Variants in EYA3 observed in about 807,000 individuals in gnomAD.
The protein encoded by EYA3 is EYA transcriptional coactivator and phosphatase 3, also known as protein phosphatase EYA3.
Under a neutral mutation model 80.0 loss-of-function variants are expected in EYA3, and 39 were observed. The ratio of observed to expected loss-of-function variants is 0.49; its 90% CI spans 0.38 to 0.64. The LOEUF (loss-of-function observed/expected upper bound fraction) is 0.64, where lower values mean the gene tolerates loss of function less well. EYA3 is among the 30% of genes least tolerant of loss of function. The pLI, the probability that EYA3 is intolerant of heterozygous loss-of-function variation, is 0.00. For synonymous variants in EYA3, 206 were observed against 232.8 expected (o/e 0.88, Z 1.05); for missense variants, 523 against 676.1 (o/e 0.77, Z 2.51).
At chr1:28,042,678 C>G (rs769835070) in intron 3 of EYA3, 28 bp from the exon 4 acceptor site, 1 of 1,585,734 alleles carries the variant, frequency 6.3e-7, no homozygotes. Flanking sequence ...AATACATTAG[C>G]CCCTGATTGA....
At chr1:28,038,806 C>A in intron 5 of EYA3, 33 bp downstream of exon 5, 4 of 1,304,400 alleles carry the variant, frequency 3.1e-6, no homozygotes, top group East Asian at 2.4e-5. Flanking sequence ...ACAGAAAAAG[C>A]ATATGCATTT....
At chr1:28,077,294 C>T (rs560954862) in intron 1 of EYA3, among the ~76,000 whole-genome samples, 4 of 151,496 alleles carry the variant, frequency 2.6e-5, no homozygotes, top group Admixed American at 2.0e-4. Context: ...TCAGTAGAGA[C>T]GGGGTTTCAC....
chr1:27,980,105 GC>G (rs1639197138), intron 16 of EYA3, among the ~76,000 whole-genome samples: 1 of 152,178 alleles, frequency 6.6e-6, no homozygotes, highest in Admixed American at 6.5e-5. Flanking sequence ...GAATTGTCAT[GC>G]CTTACATTCA....
chr1:28,058,313 C>T (rs1451984671), intron 1 of EYA3, among the ~76,000 whole-genome samples: 1 of 152,172 alleles, frequency 6.6e-6, no homozygotes, highest in African/African-American at 2.4e-5. Context: ...CAAAAGCCAA[C>T]ATGTGGAACC....
intron 2 of EYA3, 129 bp downstream of exon 2, chr1:28,057,865 T>C: frequency 1.8e-6 from 1 of 541,642 alleles, no homozygotes; most frequent in South Asian, 5.3e-5. Context: ...CATTGTTTTC[T>C]TGAAAGGAAA....
intron 16 of EYA3, among the ~76,000 whole-genome samples, chr1:27,981,246 C>T (rs1639281644): frequency 6.6e-6 from 1 of 152,218 alleles, no homozygotes; most frequent in South Asian, 2.1e-4. Flanking sequence ...ACTGTGGTTA[C>T]CATAGCACCA....
intron 16 of EYA3, among the ~76,000 whole-genome samples, chr1:27,987,879 A>C (rs1225617081): frequency 2.0e-5 from 3 of 152,026 alleles, no homozygotes; most frequent in Non-Finnish European, 4.4e-5. Flanking sequence ...CTGTTATTTT[A>C]TTTAAGACAT....
At chr1:28,000,455 G>C (rs551922897) in intron 11 of EYA3, among the ~76,000 whole-genome samples, 2 of 152,126 alleles carry the variant, frequency 1.3e-5, no homozygotes, top group African/African-American at 4.8e-5. Context: ...TGGGACTACA[G>C]GCATCCGCCA....
chr1:28,016,321 G>A (rs1334197831), intron 8 of EYA3, among the ~76,000 whole-genome samples: 1 of 152,044 alleles, frequency 6.6e-6, no homozygotes, highest in African/African-American at 2.4e-5. Flanking sequence ...CTCTAAGTCA[G>A]GAGTTTGAGA....
At chr1:28,030,265 T>TA (rs1643059628) in intron 6 of EYA3, among the ~76,000 whole-genome samples, 1 of 152,184 alleles carries the variant, frequency 6.6e-6, no homozygotes, top group Non-Finnish European at 1.5e-5. Context: ...ATGAAAGTCT[T>TA]AAAAAGACCA....
chr1:28,011,149 A>G, intron 9 of EYA3, 63 bp from the exon 10 acceptor site: 1 of 1,559,676 alleles, frequency 6.4e-7, no homozygotes, highest in Non-Finnish European at 8.7e-7. Flanking sequence ...CAGGGCAGGA[A>G]GAGGGTTAGT....
chr1:27,977,448 A>C, intron 17 of EYA3: 1 of 1,471,512 alleles, frequency 6.8e-7, no homozygotes, highest in Non-Finnish European at 9.2e-7. Context: ...CATTTAGCAG[A>C]TGAGGATACT....
chr1:27,998,228 C>T, intron 12 of EYA3: 6 of 709,224 alleles, frequency 8.5e-6, no homozygotes, highest in Non-Finnish European at 1.0e-5. Context: ...AGAATCTCCA[C>T]TTTTAAGAAG....
intron 7 of EYA3, among the ~76,000 whole-genome samples, chr1:28,020,667 C>CGTGT (rs56017264): frequency 0.054 from 7,312 of 134,340 alleles, 244 homozygotes; most frequent in Non-Finnish European, 0.067. Flanking sequence ...TACAGATCAT[C>CGTGT]GTGTGTGTGT....
Position 28,055,949 on chromosome 1 carries a change from A to G in EYA3, c.33+2045T>C, listed in dbSNP as rs139998329. 4.6e-5 allele frequency among the ~76,000 whole-genome samples: 7 copies of G among 152,102 alleles called. No homozygotes were observed. In the East Asian group the frequency reaches 9.7e-4, roughly 21 times the overall value. ...TTTATCATCAACTTGGGATGGGACCATTCTTTCCACTCATATTTTAGATCT... is the reference window on the plus strand; with the variant it reads ...TTTATCATCAACTTGGGATGGGACCGTTCTTTCCACTCATATTTTAGATCT... On this transcript the variant is annotated intron_variant, in intron 2 of 17. Transcript: ENST00000373871.
intron 16 of EYA3, among the ~76,000 whole-genome samples, chr1:27,981,776 A>G (rs1334404743): frequency 6.6e-6 from 1 of 151,766 alleles, no homozygotes; most frequent in Non-Finnish European, 1.5e-5. Context: ...AAAAAAAAAA[A>G]AAAGAAAAAA....
At chr1:28,028,623 C>T (rs1287298743) in intron 6 of EYA3, among the ~76,000 whole-genome samples, 2 of 150,856 alleles carry the variant, frequency 1.3e-5, no homozygotes, top group Non-Finnish European at 2.9e-5. Context: ...TGCTTTGTTG[C>T]CCAGGCTGGT....
chr1:28,011,159 TG>T, intron 9 of EYA3, 73 bp from the exon 10 acceptor site: 1 of 1,487,700 alleles, frequency 6.7e-7, no homozygotes, highest in Non-Finnish European at 9.1e-7. Context: ...AGAGGGTTAG[TG>T]GACTCTCTGC....
At chr1:28,011,112 T>C (rs760097079) in intron 9 of EYA3, 26 bp from the exon 10 acceptor site, 1 of 1,605,828 alleles carries the variant, frequency 6.2e-7, no homozygotes. Flanking sequence ...GAAACATATG[T>C]TGTCAGGAGT....
Sources: gnomAD v4.1 joint callset for allele counts (sites outside exome capture counted in the v4.1 genomes callset) on GRCh38, gnomAD v4.1.1 for gene constraint, MANE v1.5 for transcripts, NCBI Gene and HGNC (gene_info 2026-07-23, HGNC 2026-07-21) for gene names.